The following CPLX2 variants were observed in gnomAD, a reference collection of about 807,000 sequenced individuals.
CPLX2 encodes the protein complexin 2.
In CPLX2, 5 loss-of-function variants were observed where a neutral mutation model predicts 16.3. The observed-to-expected ratio is 0.31, with a 90% CI of 0.16 to 0.64. The LOEUF is 0.64. Ranked by LOEUF, CPLX2 falls within the 30% of genes least tolerant of loss-of-function variation. CPLX2 has a pLI of 0.79. For missense variants in CPLX2, 144 were observed against 181.4 expected, an observed-to-expected ratio of 0.79 and a Z score of 1.18; for synonymous variants, 89 against 73.2, an observed-to-expected ratio of 1.22 and a Z score of -1.10.
In CPLX2 at chr5:175,878,993, G is replaced by A. The variant is rs781738443; in HGVS notation, c.117G>A (p.Glu39=). The A allele has an allele frequency of 6.6e-5, 106 of 1,600,558 alleles. No individual in the cohort carries two copies. The highest frequency in any genetic ancestry group is 8.6e-5 in the Non-Finnish European group (101 of 1,174,026). ...AGAAAAAGGAGGAGGAGCGGCAGGA[G>A]GCGCTGCGGCAGCAGGAGGAGGAGC... ...DAQKKEEERQ[E]ALRQQEEERK... is the part of the protein sequence containing the mutation. Residue 39 remains glutamate (E), a synonymous_variant, in exon 3 of 4, where the codon GAG becomes GAA. Coordinates refer to ENST00000393745, the MANE Select transcript of CPLX2 (RefSeq NM_001008220.2).
chr5:175,829,128 C>A (rs1358265488), intron 2 of CPLX2, among the ~76,000 whole-genome samples: 1 of 152,230 alleles, frequency 6.6e-6, no homozygotes, highest in Non-Finnish European at 1.5e-5. Context: ...GGATGCAGAC[C>A]CCAACATCTT....
intron 2 of CPLX2, among the ~76,000 whole-genome samples, chr5:175,860,995 CAA>C (rs58823187): frequency 2.3e-4 from 16 of 70,338 alleles, no homozygotes; most frequent in Admixed American, 3.2e-4. Context: ...GTGAGAAATA[CAA>C]AAAAAAAAAA....
chr5:175,879,034 C>G lies in CPLX2; in HGVS notation c.158C>G (p.Ala53Gly). 2 of 1,592,104 alleles carry G rather than the reference C, an allele frequency of 1.3e-6. No individual in the cohort carries two copies. Among genetic ancestry groups the G allele is most frequent in the African/African-American group, 1.3e-5 (1 of 74,312 alleles). ...GAGGAGGAGCGTAAGGCCAAGCACGCGCGCATGGAGGCGGAGCGGGAGAAG... is the reference window on the plus strand; with the variant it reads ...GAGGAGGAGCGTAAGGCCAAGCACGGGCGCATGGAGGCGGAGCGGGAGAAG... ...QQEEERKAKHARMEAEREKVR... is the reference protein window; with the variant it reads ...QQEEERKAKHGRMEAEREKVR... Residue 53 changes from alanine to glycine, a missense_variant, in exon 3 of 4, where the codon GCG (alanine) becomes GGG (glycine). Physicochemically the swap from Ala to Gly is moderately conservative, Grantham distance 60. Transcript: ENST00000393745.
intron 2 of CPLX2, among the ~76,000 whole-genome samples, chr5:175,829,374 G>GCTCAC (rs1758686182): frequency 6.6e-6 from 1 of 152,152 alleles, no homozygotes; most frequent in South Asian, 2.1e-4. Context: ...TCGCGCAGAA[G>GCTCAC]CTCACCTCGG....
chr5:175,845,193 AC>A lies in CPLX2; in HGVS notation c.-88-33457del, dbSNP rs1759019052. ...CTCTGTGTGGGAGTCAACAGCAGAC[AC>A]CTTTTCCAAACCAGAAAGCTCCTTA... On this transcript the variant is annotated intron_variant, in intron 2 of 4. Coordinates refer to the CPLX2 transcript ENST00000359546. The surrounding 1 kb of genome is among the most constrained non-coding windows in gnomAD (Gnocchi z 4.0). Among the ~76,000 whole-genome samples the A allele has an allele frequency of 6.6e-6, 1 of 152,170 alleles. No homozygotes were observed. Among genetic ancestry groups the A allele is most frequent in the African/African-American group, 2.4e-5 (1 of 41,432 alleles).
intron 2 of CPLX2, among the ~76,000 whole-genome samples, chr5:175,860,498 A>AAAAG (rs754200303): frequency 4.9e-4 from 12 of 24,324 alleles, no homozygotes; most frequent in Non-Finnish European, 7.3e-4. Flanking sequence ...AGAAAGAAAG[A>AAAAG]AAAGAAAGAA....
intron 1 of CPLX2, among the ~76,000 whole-genome samples, chr5:175,798,488 C>G (rs1758033460): frequency 6.6e-6 from 1 of 152,134 alleles, no homozygotes; most frequent in Non-Finnish European, 1.5e-5. Flanking sequence ...TGTGGGATCT[C>G]AGAAGCAGGA....
chr5:175,826,165 G>A (rs1185946742), intron 2 of CPLX2, among the ~76,000 whole-genome samples: 1 of 152,116 alleles, frequency 6.6e-6, no homozygotes, highest in African/African-American at 2.4e-5. Flanking sequence ...CCCAGGGTGG[G>A]CGCCACTGAC....
At chr5:175,796,648 C>G (rs1245683205) in exon 1 of CPLX2, 1 of 152,656 alleles carries the variant, frequency 6.6e-6, no homozygotes, top group Admixed American at 6.5e-5. Context: ...CTTGGCGCCC[C>G]CCGCGTGCAC....
chr5:175,876,906 T>A (rs1045360664), intron 1 of CPLX2, among the ~76,000 whole-genome samples: 4 of 152,150 alleles, frequency 2.6e-5, no homozygotes, highest in Non-Finnish European at 4.4e-5. Flanking sequence ...ACCTGCAAAC[T>A]CAGAATTCGG....
rs891762412 is a variant in CPLX2 at position 175,880,766 on chromosome 5, T to G, written c.*721T>G. ...CCTTGTTCCTCACCCCCACCCCACTTAGGTCCTGGGCCCCCACTGCCAGGC... is the reference window on the plus strand; with the variant it reads ...CCTTGTTCCTCACCCCCACCCCACTGAGGTCCTGGGCCCCCACTGCCAGGC... On this transcript the variant is annotated 3_prime_UTR_variant, in exon 4 of 4. Transcript: ENST00000393745. 4.6e-5 allele frequency: 7 copies of G among 152,906 alleles called. No individual in the cohort carries two copies. The highest frequency in any genetic ancestry group is 1.7e-4 in the African/African-American group (7 of 41,410). 9.5% of individuals were successfully genotyped at this position (152,906 alleles called of 1,614,324 possible). A position where few individuals can be genotyped will look rare whatever the true frequency, so the allele number is the denominator to read the frequency against.
intron 1 of CPLX2, among the ~76,000 whole-genome samples, chr5:175,797,761 G>C (rs1270286881): frequency 6.6e-6 from 1 of 152,218 alleles, no homozygotes; most frequent in African/African-American, 2.4e-5. Context: ...AGAAGGCAGG[G>C]GGGAGGGGGC....
intron 2 of CPLX2, among the ~76,000 whole-genome samples, chr5:175,844,338 C>G (rs1051959844): frequency 2.0e-5 from 3 of 152,320 alleles, no homozygotes; most frequent in African/African-American, 7.2e-5. Flanking sequence ...TCAGTGCCTA[C>G]CACACAGAAT....
In CPLX2 at chr5:175,830,401, T is replaced by G; in HGVS notation, c.-89+21333T>G. On this transcript the variant is annotated intron_variant, in intron 2 of 4. Coordinates refer to the CPLX2 transcript ENST00000359546. The surrounding 1 kb of genome is among the most constrained non-coding windows in gnomAD (Gnocchi z 4.0). ...GCCAGGGAGCAGCAGAGCCCAGGTA[T>G]GAACCATCATGCCTGTCTCCTTCCC... is the stretch of plus-strand genomic sequence containing the variant. Among the ~76,000 whole-genome samples the G allele has an allele frequency of 6.6e-6, 1 of 152,148 alleles. No homozygotes were observed.
chr5:175,821,545 T>C lies in CPLX2; in HGVS notation c.-89+12477T>C, dbSNP rs1017289058. Among the ~76,000 whole-genome samples, 13 of 152,102 alleles carry C rather than the reference T, an allele frequency of 8.5e-5. No individual in the cohort carries two copies. In the East Asian group the frequency reaches 9.6e-4, roughly 11 times the overall value. ...GCCTTAGCCTCCTGAGTAGCTGGGA[T>C]TACAGGCACCTGTCACCATGCCCGG... is the stretch of plus-strand genomic sequence containing the variant. On this transcript the variant is annotated intron_variant, in intron 2 of 4. Coordinates refer to the CPLX2 transcript ENST00000359546.
intron 2 of CPLX2, among the ~76,000 whole-genome samples, chr5:175,857,704 A>T (rs1334596521): frequency 6.6e-6 from 1 of 152,220 alleles, no homozygotes; most frequent in East Asian, 1.9e-4. Flanking sequence ...CTTTCACACC[A>T]CTACAAACTC....
chr5:175,861,507 C>A (rs1759370814), intron 2 of CPLX2: 1 of 152,092 alleles, frequency 6.6e-6, no homozygotes, highest in South Asian at 2.1e-4. Flanking sequence ...CAGGAGTGAC[C>A]CAAGCAGGGT....
chr5:175,807,661 C>T (rs1252433345), intron 1 of CPLX2, among the ~76,000 whole-genome samples: 2 of 149,616 alleles, frequency 1.3e-5, no homozygotes, highest in African/African-American at 4.9e-5. Flanking sequence ...GCATTTAGAA[C>T]ACAGCCTGGC....
chr5:175,863,282 C>T (rs1248807575), intron 2 of CPLX2, among the ~76,000 whole-genome samples: 1 of 152,182 alleles, frequency 6.6e-6, no homozygotes, highest in African/African-American at 2.4e-5. Flanking sequence ...GCAAGATCAC[C>T]CAAACTCTGG....
Sources: allele counts gnomAD v4.1 joint callset (sites outside exome capture counted in the v4.1 genomes callset), GRCh38; gene constraint gnomAD v4.1.1; non-coding constraint Gnocchi (gnomAD v3.1); transcripts MANE v1.5; gene names NCBI Gene and HGNC (gene_info 2026-07-23, HGNC 2026-07-21).